Variants in HLF observed in about 807,000 individuals in gnomAD.
HLF encodes hepatic leukemia factor.
A neutral mutation model predicts 22.6 loss-of-function variants in HLF; 3 were observed. That is an observed-to-expected ratio of 0.13 (90% confidence interval 0.06 to 0.34). The LOEUF (loss-of-function observed/expected upper bound fraction) is 0.34. HLF is among the 10% of genes least tolerant of loss of function. HLF has a pLI of 1.00. For missense variants in HLF, 299 were observed against 389.2 expected (o/e 0.77, Z 1.95); for synonymous variants, 151 against 151.8 (o/e 0.99, Z 0.04).
Position 55,323,351 on chromosome 17 carries a change from G to T in HLF, c.*2472G>T, listed in dbSNP as rs1361185859. The T allele has an allele frequency of 1.4e-5, 3 of 215,094 alleles. No homozygotes were observed. The highest frequency in any genetic ancestry group is 2.8e-5 in the Non-Finnish European group (3 of 106,424). The allele number at this position is 215,094 out of a possible 1,614,324, so 13.3% of individuals were successfully genotyped here. ...ATAGTCATTAAAAACATAGAAAAAT[G>T]ATGTCTTTAAGTGGAGAATTGTGGA... On this transcript the variant is annotated 3_prime_UTR_variant, in exon 4 of 4. Transcript: ENST00000226067.
At chr17:55,317,907 T>G (rs1044423266) in intron 3 of HLF, among the ~76,000 whole-genome samples, 17 of 152,228 alleles carry the variant, frequency 1.1e-4, no homozygotes, top group African/African-American at 4.1e-4. Context: ...TTTAATTACC[T>G]TGATTTTTTA....
chr17:55,319,218 C>A (rs935192523), intron 3 of HLF, among the ~76,000 whole-genome samples: 1 of 152,172 alleles, frequency 6.6e-6, no homozygotes, highest in Non-Finnish European at 1.5e-5. Flanking sequence ...TTGTGCAGGG[C>A]AAATGCCTGT....
At chr17:55,301,900 C>T (rs1443625985) in intron 2 of HLF, among the ~76,000 whole-genome samples, 1 of 152,238 alleles carries the variant, frequency 6.6e-6, no homozygotes, top group Non-Finnish European at 1.5e-5. Flanking sequence ...AAAGGAAAGC[C>T]TCCACTGCAC....
chr17:55,315,372 G>C lies in HLF; in HGVS notation c.597G>C (p.Lys199Asn), dbSNP rs1319474773. The C allele has an allele frequency of 6.2e-7, 1 of 1,614,180 alleles. No individual in the cohort carries two copies. Among genetic ancestry groups the C allele is most frequent in the Non-Finnish European group, 8.5e-7 (1 of 1,180,034 alleles). ...GQEMFDPRKRKFSEEELKPQP... is the reference protein window; with the variant it reads ...GQEMFDPRKRNFSEEELKPQP... ...AAATGTTTGACCCTCGCAAACGCAA[G>C]TTCTCTGAGGAAGAACTGAAGCCAC... Residue 199 changes from lysine (K) to asparagine (N), a missense_variant, in exon 3 of 4, where the codon AAG (lysine) becomes AAC (asparagine). This residue lies in a region of HLF where 224 missense variants were observed against 298.1 expected (regional missense o/e 0.75). Coordinates refer to ENST00000226067, the MANE Select transcript of HLF (RefSeq NM_002126.5).
intron 2 of HLF, among the ~76,000 whole-genome samples, chr17:55,284,361 C>G (rs976672944): frequency 2.0e-5 from 3 of 152,200 alleles, no homozygotes; most frequent in Non-Finnish European, 4.4e-5. Context: ...TAGGGATTTA[C>G]AAAAGAGTTC....
chr17:55,280,013 G>C (rs2080939518), intron 2 of HLF, among the ~76,000 whole-genome samples: 1 of 152,226 alleles, frequency 6.6e-6, no homozygotes, highest in African/African-American at 2.4e-5. Context: ...TCCATTGTAA[G>C]TGAGGGTGCT....
At chr17:55,275,750 GAA>G (rs2145305951) in intron 2 of HLF, among the ~76,000 whole-genome samples, 1 of 152,284 alleles carries the variant, frequency 6.6e-6, no homozygotes, top group African/African-American at 2.4e-5. Context: ...TACTGTGCAA[GAA>G]AGATCCAGCT....
At chr17:55,276,335 G>A (rs2080904241) in intron 2 of HLF, among the ~76,000 whole-genome samples, 1 of 152,184 alleles carries the variant, frequency 6.6e-6, no homozygotes, top group Non-Finnish European at 1.5e-5. Context: ...GGACAAACTA[G>A]CATGTTCTCA....
intron 2 of HLF, among the ~76,000 whole-genome samples, chr17:55,300,243 C>T (rs947899683): frequency 2.0e-5 from 3 of 152,190 alleles, no homozygotes; most frequent in Non-Finnish European, 2.9e-5. Flanking sequence ...TGGTCAGTCC[C>T]GTTTCACTAG....
chr17:55,294,111 G>T (rs1476468825), intron 2 of HLF, among the ~76,000 whole-genome samples: 1 of 152,144 alleles, frequency 6.6e-6, no homozygotes, highest in African/African-American at 2.4e-5. Context: ...GGAAGATTTA[G>T]AGACAGCCTA....
intron 2 of HLF, among the ~76,000 whole-genome samples, chr17:55,298,695 A>G (rs768270606): frequency 1.3e-5 from 2 of 152,184 alleles, no homozygotes; most frequent in Non-Finnish European, 2.9e-5. Flanking sequence ...GTGAAAATTT[A>G]CCTACTTCTC....
chr17:55,297,231 A>G, intron 2 of HLF, among the ~76,000 whole-genome samples: 1 of 152,162 alleles, frequency 6.6e-6, no homozygotes, highest in South Asian at 2.1e-4. Flanking sequence ...GTTCTGTTTG[A>G]TACTTTTCTT....
rs2080807831 is a variant in HLF at position 55,267,749 on chromosome 17, A to G, written c.116-2A>G. 6.5e-7 allele frequency: 1 copy of G among 1,545,940 alleles called. No individual in the cohort carries two copies. ...TAAGTCCAGCTTTCCCTTCTTCTGC[A>G]GCATTTAGTAAAGATAAAGACAAGG... On this transcript the variant is annotated splice_acceptor_variant, in intron 1 of 3. Coordinates refer to ENST00000226067, the MANE Select transcript of HLF (RefSeq NM_002126.5). LOFTEE classifies it high-confidence loss of function.
At chr17:55,276,568 T>C (rs959639780) in intron 2 of HLF, among the ~76,000 whole-genome samples, 1 of 152,082 alleles carries the variant, frequency 6.6e-6, no homozygotes, top group Non-Finnish European at 1.5e-5. Flanking sequence ...GAGAGCCAGA[T>C]TGGAGAGGTT....
chr17:55,270,311 A>G (rs2080840188), intron 2 of HLF, among the ~76,000 whole-genome samples: 1 of 152,254 alleles, frequency 6.6e-6, no homozygotes, highest in African/African-American at 2.4e-5. Flanking sequence ...GATAGTCCTC[A>G]TAGAAAAGGA....
rs2080807612 is a variant in HLF, at chr17:55,267,737, C to T, written c.116-14C>T. The T allele has an allele frequency of 2.0e-6, 3 of 1,512,958 alleles. No homozygotes were observed. The South Asian group carries it at 3.7e-5, about 19-fold the overall frequency. 93.7% of individuals were successfully genotyped at this position (1,512,958 alleles called of 1,614,324 possible). On this transcript the variant is annotated splice_polypyrimidine_tract_variant and intron_variant, in intron 1 of 3. Transcript: ENST00000226067. ...TTTCTTTTTTTTTAAGTCCAGCTTT[C>T]CCTTCTTCTGCAGCATTTAGTAAAG...
In HLF at chr17:55,265,295, T is replaced by G. The variant is rs1182729740; in HGVS notation, c.-190T>G. Reference sequence around the variant, plus strand: ...CGTCTGCACTGGAAACCCGAAAGTTTTTTTTTAATATATATTTTTATGCAG... The same window carrying G: ...CGTCTGCACTGGAAACCCGAAAGTTGTTTTTTAATATATATTTTTATGCAG... On this transcript the variant is annotated 5_prime_UTR_variant, in exon 1 of 4. Transcript: ENST00000226067. 7.4e-5 allele frequency: 37 copies of G among 499,786 alleles called. No homozygotes were observed. The East Asian group carries it at 1.3e-3, about 18-fold the overall frequency. The allele number at this position is 499,786 out of a possible 1,614,324, so 31.0% of individuals were successfully genotyped here. A position where few individuals can be genotyped will look rare whatever the true frequency, so the allele number is the denominator to read the frequency against.
At chr17:55,314,134 A>G (rs1904968164) in intron 2 of HLF, among the ~76,000 whole-genome samples, 1 of 152,200 alleles carries the variant, frequency 6.6e-6, no homozygotes, top group Non-Finnish European at 1.5e-5. Context: ...GAAAACTAGA[A>G]GTTAAAATTC....
At chr17:55,303,741 ATC>A (rs1467267439) in intron 2 of HLF, among the ~76,000 whole-genome samples, 1 of 152,082 alleles carries the variant, frequency 6.6e-6, no homozygotes, top group Non-Finnish European at 1.5e-5. Context: ...ATGCACGGTT[ATC>A]TCTCTCTGCA....
Sources: gnomAD v4.1 joint callset for allele counts (sites outside exome capture counted in the v4.1 genomes callset) on GRCh38, gnomAD v4.1.1 for gene constraint, gnomAD v4.1.1 regional missense constraint, MANE v1.5 for transcripts, NCBI Gene and HGNC (gene_info 2026-07-23, HGNC 2026-07-21) for gene names.